RFX7: variants seen among roughly 807,000 people sequenced by gnomAD.
RFX7 encodes regulatory factor X7.
Under a neutral mutation model 111.8 loss-of-function variants are expected in RFX7, and 26 were observed. The observed-to-expected ratio is 0.23, with a 90% CI of 0.17 to 0.32. The LOEUF (loss-of-function observed/expected upper bound fraction) is 0.32, where lower values mean the gene tolerates loss of function less well. RFX7 is among the 10% of genes least tolerant of loss of function. The pLI, the probability that RFX7 is intolerant of heterozygous loss-of-function variation, is 1.00. For synonymous variants in RFX7, 624 were observed against 624.4 expected (o/e 1.00, Z 0.01); for missense variants, 1,573 against 1,772.9 (o/e 0.89, Z 2.02).
chr15:56,127,006 C>T (rs575359391), intron 5 of RFX7, among the ~76,000 whole-genome samples: 35 of 152,172 alleles, frequency 2.3e-4, no homozygotes, highest in African/African-American at 7.5e-4. Flanking sequence ...ACCAACTAGA[C>T]CTAAAAGACA....
chr15:56,136,253 G>GA (rs1243007136), intron 5 of RFX7, among the ~76,000 whole-genome samples: 1 of 144,194 alleles, frequency 6.9e-6, no homozygotes, highest in Non-Finnish European at 1.5e-5. Context: ...CATGAGCATG[G>GA]AATGTTCTTC....
intron 2 of RFX7, among the ~76,000 whole-genome samples, chr15:56,214,214 C>T (rs1210524073): frequency 6.6e-6 from 1 of 152,132 alleles, no homozygotes; most frequent in Non-Finnish European, 1.5e-5. Context: ...TTTAGGAGCA[C>T]TTTGGCTATT....
At chr15:56,190,713 C>G (rs113070294) in intron 2 of RFX7, among the ~76,000 whole-genome samples, 8 of 151,304 alleles carry the variant, frequency 5.3e-5, no homozygotes, top group African/African-American at 1.5e-4. Context: ...GCAGAAGCAC[C>G]ATCTACACAT....
chr15:56,150,262 G>C (rs1426917885), intron 3 of RFX7, among the ~76,000 whole-genome samples: 4 of 152,170 alleles, frequency 2.6e-5, no homozygotes, highest in African/African-American at 9.6e-5. Flanking sequence ...CCTGCCTGAT[G>C]GCTCTGAAGA....
chr15:56,243,286 C>A lies in RFX7; in HGVS notation c.-1G>T. The A allele has an allele frequency of 1.8e-6, 1 of 542,456 alleles. No individual in the cohort carries two copies. Among genetic ancestry groups the A allele is most frequent in the Non-Finnish European group, 2.9e-6 (1 of 342,646 alleles). The allele number at this position is 542,456 out of a possible 1,614,324, so 33.6% of individuals were successfully genotyped here. On this transcript the variant is annotated splice_region_variant and 5_prime_UTR_variant, in exon 2 of 10. Coordinates refer to ENST00000559447, the MANE Select transcript of RFX7 (RefSeq NM_022841.7). The stretch of plus-strand genomic sequence containing the variant: ...GCGGCTGTTGTTGTTCCTCTGCCAT[C>A]GCTGCAGAGGGGTGGGAGGGAGGGA...
At chr15:56,182,217 C>A (rs908093182) in intron 2 of RFX7, among the ~76,000 whole-genome samples, 3 of 151,996 alleles carry the variant, frequency 2.0e-5, no homozygotes, top group African/African-American at 7.3e-5. Context: ...TCTCCCCCAC[C>A]CCTCCATCTG....
rs2140511124 is a variant in RFX7, at chr15:56,094,395, G to A, written c.3333C>T (p.Ser1111=). 6.2e-7 allele frequency: 1 copy of A among 1,613,944 alleles called. No homozygotes were observed. Among genetic ancestry groups the A allele is most frequent in the East Asian group, 2.2e-5 (1 of 44,882 alleles). The change falls in exon 10 of 10, where the codon TCC becomes TCT. Residue 1111 remains serine, a synonymous_variant. Coordinates refer to ENST00000559447, the MANE Select transcript of RFX7 (RefSeq NM_022841.7). The part of the protein sequence containing the change: ...AVPGQSYQSQ[S]RHHDTHFGRL... The stretch of plus-strand genomic sequence containing the variant: ...GACCAAAATGAGTGTCATGATGTCT[G>A]GATTGAGACTGATAAGACTGTCCAG...
At chr15:56,106,974 G>T (rs141574510) in intron 5 of RFX7, among the ~76,000 whole-genome samples, 89 of 152,178 alleles carry the variant, frequency 5.8e-4, no homozygotes, top group Non-Finnish European at 1.1e-3. Flanking sequence ...GAGGAACGGA[G>T]AATGTTCTGT....
Position 56,093,499 on chromosome 15 carries a change from C to G in RFX7, c.4229G>C (p.Arg1410Pro). The G allele has an allele frequency of 1.2e-6, 2 of 1,613,884 alleles. No individual in the cohort carries two copies. Among genetic ancestry groups the G allele is most frequent in the African/African-American group, 1.3e-5 (1 of 75,040 alleles). ...LDPNLLFDPG[R>P]QQGQDDEATL... ...AGCTTCATCATCTTGTCCCTGCTGA[C>G]GACCTGGATCAAACAGTAGATTTGG... Residue 1410 changes from arginine (R) to proline (P), a missense_variant, in exon 10 of 10, where the codon CGT becomes CCT. By Grantham distance (103) the Arg-to-Pro change is moderately radical (BLOSUM62 -2). Around this residue, in one of 7 missense-constraint regions of RFX7, gnomAD observed 411 missense variants for 478.1 expected, o/e 0.86. Coordinates refer to ENST00000559447, the MANE Select transcript of RFX7 (RefSeq NM_022841.7).
At chr15:56,124,652 C>T (rs1237099792) in intron 5 of RFX7, among the ~76,000 whole-genome samples, 5 of 152,158 alleles carry the variant, frequency 3.3e-5, no homozygotes, top group Admixed American at 2.6e-4. Flanking sequence ...CATTTGTACA[C>T]CATCTTTTGA....
chr15:56,090,851 T>C lies in RFX7; in HGVS notation c.*2494A>G, dbSNP rs949231297. ...AAAGTCAGTGCTTATTGCAATTATATGCAAAATTATTTACTTCATGAAGTT... is the reference window on the plus strand; with the variant it reads ...AAAGTCAGTGCTTATTGCAATTATACGCAAAATTATTTACTTCATGAAGTT... On this transcript the variant is annotated 3_prime_UTR_variant, in exon 10 of 10. Coordinates refer to ENST00000559447, the MANE Select transcript of RFX7 (RefSeq NM_022841.7). The C allele has an allele frequency of 5.9e-5, 9 of 152,626 alleles. No homozygotes were observed. Among genetic ancestry groups the C allele is most frequent in the East Asian group, 1.9e-4 (1 of 5,204 alleles). 9.5% of individuals were successfully genotyped at this position (152,626 alleles called of 1,614,324 possible).
intron 2 of RFX7, among the ~76,000 whole-genome samples, chr15:56,236,104 A>T (rs2043620184): frequency 6.6e-6 from 1 of 152,096 alleles, no homozygotes; most frequent in Non-Finnish European, 1.5e-5. Context: ...ACTTTTTGTT[A>T]TATATATATG....
intron 2 of RFX7, among the ~76,000 whole-genome samples, chr15:56,197,447 T>C (rs1419129262): frequency 6.6e-6 from 1 of 152,188 alleles, no homozygotes; most frequent in South Asian, 2.1e-4. Flanking sequence ...AGTTATTTTA[T>C]TTTCTTCTAA....
chr15:56,112,757 T>C (rs768863367), intron 5 of RFX7, among the ~76,000 whole-genome samples: 2 of 152,134 alleles, frequency 1.3e-5, no homozygotes, highest in Non-Finnish European at 2.9e-5. Flanking sequence ...AATTTACCTA[T>C]GGACAAAGGT....
chr15:56,155,006 G>T (rs1034863959), intron 3 of RFX7, among the ~76,000 whole-genome samples: 5 of 152,296 alleles, frequency 3.3e-5, no homozygotes, highest in Middle Eastern at 3.4e-3. Flanking sequence ...CATTTATGCA[G>T]CCAACAGACA....
In RFX7 at chr15:56,095,599, G is replaced by A; in HGVS notation, c.2129C>T (p.Ala710Val). The stretch of plus-strand genomic sequence containing the variant: ...TACCTTGCTAGGAATCTGAGCACCT[G>A]CTGTTGAACCTTCTGTTTTCCCTGA... ...PHSGKTEGST[A>V]GAQIPSKVSV... The change falls in exon 10 of 10, where the codon GCA becomes GTA. Residue 710 changes from alanine (A) to valine (V), a missense_variant. Ala to Val is a moderately conservative substitution (Grantham distance 64, BLOSUM62 0). Transcript: ENST00000559447. 1 of 1,613,926 alleles carries A rather than the reference G, an allele frequency of 6.2e-7. No homozygotes were observed. Among genetic ancestry groups the A allele is most frequent in the Non-Finnish European group, 8.5e-7 (1 of 1,179,828 alleles).
intron 2 of RFX7, among the ~76,000 whole-genome samples, chr15:56,198,238 T>A (rs1307832667): frequency 2.6e-5 from 4 of 151,970 alleles, no homozygotes; most frequent in Admixed American, 2.6e-4. Context: ...CAACAATCCC[T>A]AACCTGAAGT....
intron 2 of RFX7, among the ~76,000 whole-genome samples, chr15:56,195,914 G>A (rs1471402520): frequency 6.6e-6 from 1 of 152,122 alleles, no homozygotes; most frequent in Non-Finnish European, 1.5e-5. Context: ...ACGTTTTTAT[G>A]TATGGAAAGT....
chr15:56,206,706 G>A (rs530452879), intron 2 of RFX7, among the ~76,000 whole-genome samples: 109 of 151,824 alleles, frequency 7.2e-4, no homozygotes, highest in African/African-American at 2.4e-3. Flanking sequence ...AATATAGATG[G>A]AACTAGAGGT....
Sources: allele counts gnomAD v4.1 joint callset (sites outside exome capture counted in the v4.1 genomes callset), GRCh38; gene constraint gnomAD v4.1.1; regional missense constraint gnomAD v4.1.1; transcripts MANE v1.5; gene names NCBI Gene and HGNC (gene_info 2026-07-23, HGNC 2026-07-21).